Variants in ZNF18 observed in about 807,000 individuals in gnomAD.
ZNF18 encodes the protein zinc finger protein 18.
ZNF18 carries 42 observed loss-of-function variants against 58.1 expected under a neutral mutation model. The ratio of observed to expected loss-of-function variants is 0.72; its 90% confidence interval spans 0.56 to 0.93. The LOEUF (loss-of-function observed/expected upper bound fraction) is 0.93, where lower values mean the gene tolerates loss of function less well. ZNF18 is among the 40% of genes least tolerant of loss of function. The probability of loss-of-function intolerance (pLI) is 0.00; values close to 1 mark genes in which losing one functional copy is unlikely to be tolerated. For synonymous variants in ZNF18, 231 were observed against 239.8 expected, an observed-to-expected ratio of 0.96 and a Z score of 0.34; for missense variants, 540 against 644.2, an observed-to-expected ratio of 0.84 and a Z score of 1.75.
chr17:11,998,190 T>C (rs1968583899), upstream of ZNF18, among the ~76,000 whole-genome samples: 2 of 152,278 alleles, frequency 1.3e-5, no homozygotes, highest in Admixed American at 1.3e-4. Flanking sequence ...CCCTTCTCAC[T>C]ATCCCTCCCT....
intron 4 of ZNF18, 62 bp from the exon 5 acceptor site, chr17:11,984,259 C>T: frequency 1.3e-6 from 2 of 1,483,886 alleles, no homozygotes; most frequent in African/African-American, 1.4e-5. Context: ...TTTGAACCTG[C>T]CTTCCCTGCC....
At chr17:11,986,429 G>C (rs1439775465) in intron 4 of ZNF18, among the ~76,000 whole-genome samples, 2 of 152,184 alleles carry the variant, frequency 1.3e-5, no homozygotes, top group Non-Finnish European at 2.9e-5. Context: ...TCAATTAGCA[G>C]GTGCTAAGCC....
At chr17:11,994,326 A>G (rs1401425791) in intron 1 of ZNF18, among the ~76,000 whole-genome samples, 1 of 152,210 alleles carries the variant, frequency 6.6e-6, no homozygotes, top group African/African-American at 2.4e-5. Flanking sequence ...CAAGGGCCTG[A>G]GAAAGGAAAA....
chr17:11,980,570 G>A (rs186196994), intron 6 of ZNF18, among the ~76,000 whole-genome samples: 53 of 151,914 alleles, frequency 3.5e-4, no homozygotes, highest in Middle Eastern at 3.4e-3. Context: ...ACAGGTGCCC[G>A]CCACTATGCC....
At chr17:12,012,649 C>T in the ZNF18 span, among the ~76,000 whole-genome samples, 2 of 152,172 alleles carry the variant, frequency 1.3e-5, no homozygotes, top group African/African-American at 4.8e-5. Flanking sequence ...TGCTAGATAA[C>T]TGAGAAATTA....
chr17:12,015,085 T>G, the ZNF18 span, among the ~76,000 whole-genome samples: 1 of 152,074 alleles, frequency 6.6e-6, no homozygotes, highest in Admixed American at 6.6e-5. Context: ...TTATATACTA[T>G]AAGTAGGTGA....
intron 4 of ZNF18, among the ~76,000 whole-genome samples, chr17:11,987,031 G>A (rs771430015): frequency 1.3e-5 from 2 of 152,212 alleles, no homozygotes; most frequent in African/African-American, 2.4e-5. Flanking sequence ...GAGGCAAGAC[G>A]CCAATGGCAG....
intron 4 of ZNF18, among the ~76,000 whole-genome samples, 191 bp downstream of exon 4, chr17:11,990,271 A>G (rs1190096807): frequency 6.6e-6 from 1 of 152,194 alleles, no homozygotes; most frequent in Non-Finnish European, 1.5e-5. Context: ...TTATATGCAT[A>G]AGAACAAAGA....
chr17:12,011,976 A>C, the ZNF18 span, among the ~76,000 whole-genome samples: 1 of 151,868 alleles, frequency 6.6e-6, no homozygotes, highest in South Asian at 2.1e-4. Flanking sequence ...TGGGATTACA[A>C]GTGTGAGCCA....
chr17:11,983,779 T>C (rs1390514153), intron 5 of ZNF18, among the ~76,000 whole-genome samples: 1 of 152,090 alleles, frequency 6.6e-6, no homozygotes, highest in Admixed American at 6.5e-5. Context: ...TCAGCCCACT[T>C]ATGAGCTATG....
At chr17:12,010,472 G>A in the ZNF18 span, among the ~76,000 whole-genome samples, 1 of 151,338 alleles carries the variant, frequency 6.6e-6, no homozygotes, top group African/African-American at 2.4e-5. Context: ...CTGGAGTGCA[G>A]TGGCGCAATC....
At chr17:12,001,782 G>A (rs982999179), upstream of ZNF18, among the ~76,000 whole-genome samples, 84 of 151,892 alleles carry the variant, frequency 5.5e-4, no homozygotes, top group African/African-American at 1.6e-3. Flanking sequence ...ATGTCAAAAC[G>A]TCACATTATA....
At chr17:11,986,874 C>G (rs940889202) in intron 4 of ZNF18, among the ~76,000 whole-genome samples, 3 of 152,110 alleles carry the variant, frequency 2.0e-5, no homozygotes, top group Non-Finnish European at 2.9e-5. Context: ...ATACAGCCAC[C>G]AAAACCCCCA....
chr17:12,011,616 C>A, the ZNF18 span, among the ~76,000 whole-genome samples: 3 of 151,920 alleles, frequency 2.0e-5, no homozygotes, highest in Non-Finnish European at 2.9e-5. Context: ...GATCTCCTGA[C>A]CTCATGATCT....
the ZNF18 span, chr17:12,009,171 T>C: frequency 6.6e-6 from 1 of 152,162 alleles, no homozygotes; most frequent in Non-Finnish European, 1.5e-5. Context: ...ATCCACTGAA[T>C]TATCTTAGCT....
the ZNF18 span, chr17:12,010,920 G>A: frequency 1.8e-6 from 1 of 566,248 alleles, no homozygotes; most frequent in Non-Finnish European, 3.2e-6. Context: ...AAGCTATCTT[G>A]GCTCTTCACG....
the ZNF18 span, chr17:12,009,210 T>C: frequency 6.6e-6 from 1 of 152,202 alleles, no homozygotes; most frequent in Non-Finnish European, 1.5e-5. Flanking sequence ...AACAGATATA[T>C]TCGAGGAGAC....
chr17:12,021,118 T>C, the ZNF18 span: 7,735 of 534,218 alleles, frequency 0.014, 480 homozygotes, highest in African/African-American at 0.14. Context: ...AGCCGCCGGC[T>C]TCTCCCTCTC....
At chr17:11,989,158 CAAAAA>C (rs34643808) in intron 4 of ZNF18, among the ~76,000 whole-genome samples, 1 of 119,962 alleles carries the variant, frequency 8.3e-6, no homozygotes, top group African/African-American at 3.1e-5. Flanking sequence ...GACCCTGTCT[CAAAAA>C]AAAAAAAAAA....
Sources: gnomAD v4.1 joint callset for allele counts (sites outside exome capture counted in the v4.1 genomes callset) on GRCh38, gnomAD v4.1.1 for gene constraint, MANE v1.5 for transcripts, NCBI Gene and HGNC (gene_info 2026-07-23, HGNC 2026-07-21) for gene names.